Variants in CAPN14 observed in about 807,000 individuals in gnomAD.
The protein encoded by CAPN14 is calpain-14.
CAPN14 carries 94 observed loss-of-function variants against 101.3 expected under a neutral mutation model. The observed-to-expected ratio is 0.93, with a 90% CI of 0.79 to 1.10. The LOEUF (loss-of-function observed/expected upper bound fraction) is 1.10. CAPN14 is among the 50% of genes least tolerant of loss of function. CAPN14 has a pLI of 0.00. For missense variants in CAPN14, 837 were observed against 828.4 expected (o/e 1.01, Z -0.13); for synonymous variants, 338 against 317.9 (o/e 1.06, Z -0.67).
intron 2 of CAPN14, among the ~76,000 whole-genome samples, chr2:31,225,410 A>G (rs948374739): frequency 2.2e-4 from 33 of 152,216 alleles, no homozygotes; most frequent in African/African-American, 6.7e-4. Flanking sequence ...TGTGGTAAGT[A>G]TATAAATTGA....
intron 13 of CAPN14, among the ~76,000 whole-genome samples, chr2:31,188,767 T>C (rs113151577): frequency 1.7e-3 from 266 of 152,276 alleles, no homozygotes; most frequent in Middle Eastern, 6.8e-3. Context: ...TTAATTCAAC[T>C]GGATACAGTA....
intron 16 of CAPN14, among the ~76,000 whole-genome samples, chr2:31,181,223 G>C (rs192506296): frequency 6.6e-6 from 1 of 152,200 alleles, no homozygotes; most frequent in Non-Finnish European, 1.5e-5. Context: ...TACGGCTTGG[G>C]TTTGCTTACA....
chr2:31,189,272 C>T lies in CAPN14; in HGVS notation c.1493+1G>A, dbSNP rs759569414. On this transcript the variant is annotated splice_donor_variant, in intron 13 of 21. Coordinates refer to ENST00000403897, the MANE Select transcript of CAPN14 (RefSeq NM_001145122.2). LOFTEE classifies it high-confidence loss of function. ...CTCTAGGAGAGACCTTGTGTCCTTA[C>T]TAAAAGATGTGCTTCCTGGAGAAGA... 1.0e-5 allele frequency: 16 copies of T among 1,550,804 alleles called. No homozygotes were observed. Among genetic ancestry groups the T allele is most frequent in the East Asian group, 2.4e-5 (1 of 40,920 alleles).
upstream of CAPN14, chr2:31,217,609 T>C (rs1682707822): frequency 6.6e-6 from 1 of 152,266 alleles, no homozygotes; most frequent in Non-Finnish European, 1.5e-5. Flanking sequence ...AGGACCTTGG[T>C]TCCTCCCCAC....
At chr2:31,226,179 G>A (rs980038515) in intron 2 of CAPN14, among the ~76,000 whole-genome samples, 9 of 151,988 alleles carry the variant, frequency 5.9e-5, no homozygotes, top group African/African-American at 1.9e-4. Context: ...TAAAGAATGC[G>A]GAAATAATTC....
At chr2:31,199,849 T>G (rs2148688442) in intron 6 of CAPN14, among the ~76,000 whole-genome samples, 1 of 152,278 alleles carries the variant, frequency 6.6e-6, no homozygotes, top group South Asian at 2.1e-4. Context: ...GGCTTCCTAT[T>G]CCTGTTCCAT....
intron 19 of CAPN14, 139 bp from the exon 20 acceptor site, chr2:31,177,281 T>C (rs1680353640): frequency 1.5e-5 from 9 of 601,402 alleles, no homozygotes; most frequent in South Asian, 1.4e-4. Context: ...ATAGGGTTCA[T>C]TTTGAATGGT....
At chr2:31,191,430 G>GAAAAAAAAAAAAAAAAAAGA in intron 11 of CAPN14, 23 bp from the exon 12 acceptor site, 1 of 1,277,970 alleles carries the variant, frequency 7.8e-7, no homozygotes, top group South Asian at 1.5e-5. Flanking sequence ...AACAAAAACA[G>GAAAAAAAAAAAAAAAAAAGA]AAAAAAAAAA....
chr2:31,173,122 G>A lies in CAPN14; in HGVS notation c.*1559C>T, dbSNP rs1476608295. 6.6e-6 allele frequency: 1 copy of A among 152,124 alleles called. No individual in the cohort carries two copies. The highest frequency in any genetic ancestry group is 2.4e-5 in the African/African-American group (1 of 41,430). 9.4% of individuals were successfully genotyped at this position (152,124 alleles called of 1,614,324 possible). On this transcript the variant is annotated 3_prime_UTR_variant, in exon 22 of 22. Transcript: ENST00000403897. The stretch of plus-strand genomic sequence containing the variant: ...TGCAATGGCAGATTTTAAAGACAAA[G>A]ACACAAATAAGTCAATGGATATAAA...
At chr2:31,189,599 G>T in intron 12 of CAPN14, 121 bp from the exon 13 acceptor site, 1 of 776,634 alleles carries the variant, frequency 1.3e-6, no homozygotes, top group Non-Finnish European at 2.2e-6. Context: ...AATCCAATAG[G>T]CCCCAGTGGA....
chr2:31,228,089 G>A (rs143231510), intron 1 of CAPN14, among the ~76,000 whole-genome samples: 18 of 152,348 alleles, frequency 1.2e-4, no homozygotes, highest in African/African-American at 2.6e-4. Flanking sequence ...TGGGAGGCAC[G>A]CATGCGTGCA....
chr2:31,227,700 C>T lies in CAPN14; in HGVS notation c.-176-1049G>A, dbSNP rs1683065705. ...ACCTTGTCATAAAAAGAGGTTTTAA[C>T]TCGGCCTGATCTCATCAGTAGGAAT... is the stretch of plus-strand genomic sequence containing the variant. On this transcript the variant is annotated intron_variant and NMD_transcript_variant, in intron 1 of 21. Coordinates refer to the CAPN14 transcript ENST00000398824. Among the ~76,000 whole-genome samples the T allele has an allele frequency of 2.0e-5, 3 of 152,338 alleles. No individual in the cohort carries two copies. The South Asian group carries it at 6.2e-4, about 32-fold the overall frequency.
chr2:31,194,094 T>C (rs943333460), intron 9 of CAPN14, among the ~76,000 whole-genome samples: 3 of 152,086 alleles, frequency 2.0e-5, no homozygotes, highest in African/African-American at 7.2e-5. Flanking sequence ...CTCATGGCCT[T>C]TTCAGGACAA....
intron 1 of CAPN14, among the ~76,000 whole-genome samples, chr2:31,210,335 C>T (rs1351487389): frequency 3.9e-5 from 6 of 152,120 alleles, no homozygotes; most frequent in African/African-American, 1.4e-4. Flanking sequence ...GTAGTCCCAG[C>T]TACTCGGGAG....
chr2:31,232,725 G>C (rs2148712777), intron 1 of CAPN14, among the ~76,000 whole-genome samples: 1 of 152,232 alleles, frequency 6.6e-6, no homozygotes, highest in Middle Eastern at 3.4e-3. Flanking sequence ...CCTCCCACCA[G>C]CTCTCTCCCT....
At chr2:31,216,037 C>G (rs1682630101) in intron 1 of CAPN14, among the ~76,000 whole-genome samples, 1 of 152,010 alleles carries the variant, frequency 6.6e-6, no homozygotes, top group South Asian at 2.1e-4. Context: ...ACCCAAATGT[C>G]CATGAACATG....
At chr2:31,175,048 T>C (rs1286656849) in intron 21 of CAPN14, among the ~76,000 whole-genome samples, 1 of 152,038 alleles carries the variant, frequency 6.6e-6, no homozygotes, top group African/African-American at 2.4e-5. Flanking sequence ...ATTCTACACG[T>C]TTACATTTAT....
chr2:31,183,477 C>A (rs112491838), intron 16 of CAPN14, among the ~76,000 whole-genome samples: 11 of 151,742 alleles, frequency 7.2e-5, no homozygotes, highest in Admixed American at 4.6e-4. Context: ...AATGAACTCA[C>A]ACAAATTTAC....
chr2:31,181,438 CTTTCTT>C lies in CAPN14; in HGVS notation c.1646-444_1646-439del, dbSNP rs1558612461. On this transcript the variant is annotated intron_variant, in intron 16 of 21. Coordinates refer to ENST00000403897, the MANE Select transcript of CAPN14 (RefSeq NM_001145122.2). ...TCTTTCTTTCTTTCTTTCTTTCTTT[CTTTCTT>C]TTTCTTTCTTTTTTTCTCTTTTTCT... Among the ~76,000 whole-genome samples, 11 of 131,720 alleles carry C rather than the reference CTTTCTT, an allele frequency of 8.4e-5. No individual in the cohort carries two copies. In the South Asian group the frequency reaches 2.5e-3, roughly 30 times the overall value. The allele number at this position is 131,720 out of a possible 152,430, so 86.4% of individuals were successfully genotyped here. A position where few individuals can be genotyped will look rare whatever the true frequency, so the allele number is the denominator to read the frequency against.
Sources: gnomAD v4.1 joint callset for allele counts (sites outside exome capture counted in the v4.1 genomes callset) on GRCh38, gnomAD v4.1.1 for gene constraint, MANE v1.5 for transcripts, NCBI Gene and HGNC (gene_info 2026-07-23, HGNC 2026-07-21) for gene names.